PCDHA4: variants seen among roughly 807,000 people sequenced by gnomAD.
PCDHA4 encodes protocadherin alpha 4, also known as protocadherin alpha-4.
In PCDHA4, 49 loss-of-function variants were observed where a neutral mutation model predicts 61.4. The observed-to-expected ratio is 0.80, with a 90% CI of 0.63 to 1.01. PCDHA4 has a LOEUF of 1.01. PCDHA4 is among the 50% of genes least tolerant of loss of function. The pLI, the probability that PCDHA4 is intolerant of heterozygous loss-of-function variation, is 0.00. For missense variants in PCDHA4, 1,254 were observed against 1,235.8 expected (o/e 1.01, Z -0.22); for synonymous variants, 590 against 550.3 (o/e 1.07, Z -1.01).
intron 1 of PCDHA4, among the ~76,000 whole-genome samples, chr5:140,881,799 C>A (rs368456285): frequency 3.3e-5 from 5 of 152,282 alleles, no homozygotes; most frequent in Admixed American, 2.0e-4. Flanking sequence ...TGTCCCAAAA[C>A]GAGTGTCGAA....
At chr5:140,837,464 C>T (rs1295340702) in intron 1 of PCDHA4, among the ~76,000 whole-genome samples, 1 of 151,746 alleles carries the variant, frequency 6.6e-6, no homozygotes, top group African/African-American at 2.4e-5. Flanking sequence ...CTCCTTGCCT[C>T]CTCAAACCCC....
At position 140,884,772 on chromosome 5, in the gene PCDHA4, T is replaced by G. The variant is rs563372954; in HGVS notation, c.2385+75200T>G. 1.9e-5 allele frequency: 27 copies of G among 1,409,818 alleles called. No homozygotes were observed. In the African/African-American group the frequency reaches 3.6e-4, roughly 19 times the overall value. The allele number at this position is 1,409,818 out of a possible 1,614,324, so 87.3% of individuals were successfully genotyped here. On this transcript the variant is annotated intron_variant, in intron 1 of 3. Transcript: ENST00000530339. Reference sequence around the variant, plus strand: ...TTCAAATTATTCTTTACTTTAATTTTAATTTTGCTAGTTGTTATCGAATTT... The same window carrying G: ...TTCAAATTATTCTTTACTTTAATTTGAATTTTGCTAGTTGTTATCGAATTT...
chr5:140,947,315 C>T (rs116397497), intron 1 of PCDHA4, among the ~76,000 whole-genome samples: 3,556 of 151,556 alleles, frequency 0.023, 49 homozygotes, highest in Middle Eastern at 0.034. Flanking sequence ...TGTAAAAAGT[C>T]GGTTGACCAT....
intron 1 of PCDHA4, chr5:140,835,904 C>T: frequency 1.2e-6 from 2 of 1,612,178 alleles, no homozygotes; most frequent in South Asian, 1.1e-5. Flanking sequence ...TGTCGAGCTA[C>T]GTGTCAGTGC....
chr5:140,862,826 G>A lies in PCDHA4; in HGVS notation c.2385+53254G>A, dbSNP rs112986835. ...CTGCTGCAGTTCTAGGTGAGAGCGCGCGACGCGGGCATGCCGCCTCTGAGC... is the reference window on the plus strand; with the variant it reads ...CTGCTGCAGTTCTAGGTGAGAGCGCACGACGCGGGCATGCCGCCTCTGAGC... On this transcript the variant is annotated intron_variant, in intron 1 of 3. Coordinates refer to ENST00000530339, the MANE Select transcript of PCDHA4 (RefSeq NM_018907.4). The A allele has an allele frequency of 1.9e-3, 1,106 of 575,060 alleles. 11 individuals carry two copies. Among genetic ancestry groups the A allele is most frequent in the African/African-American group, 0.019 (990 of 53,212 alleles). The allele number at this position is 575,060 out of a possible 1,614,324, so 35.6% of individuals were successfully genotyped here.
intron 1 of PCDHA4, 38 bp downstream of exon 1, chr5:140,809,610 G>A (rs1183519714): frequency 1.3e-6 from 2 of 1,519,732 alleles, no homozygotes; most frequent in African/African-American, 1.4e-5. Context: ...TTTTCGTATT[G>A]TTTTTCTCTA....
At chr5:140,854,853 C>T (rs1441066752) in intron 1 of PCDHA4, among the ~76,000 whole-genome samples, 1 of 149,620 alleles carries the variant, frequency 6.7e-6, no homozygotes, top group East Asian at 1.9e-4. Flanking sequence ...GATAAAATTA[C>T]TAGATATATT....
chr5:140,878,627 T>C (rs2057676475), intron 1 of PCDHA4, among the ~76,000 whole-genome samples: 1 of 152,236 alleles, frequency 6.6e-6, no homozygotes, highest in Non-Finnish European at 1.5e-5. Flanking sequence ...TTACATATTT[T>C]AACTTTCTAT....
At position 140,810,391 on chromosome 5, in the gene PCDHA4, T is replaced by C. The variant is rs1764650551; in HGVS notation, c.2385+819T>C. 4 of 152,200 alleles carry C rather than the reference T, an allele frequency of 2.6e-5. No homozygotes were observed. The South Asian group carries it at 8.3e-4, about 31-fold the overall frequency. 9.4% of individuals were successfully genotyped at this position (152,200 alleles called of 1,614,324 possible). On this transcript the variant is annotated intron_variant, in intron 1 of 3. Transcript: ENST00000530339. ...GTCACAGAATATGTGTGTATCTTTG[T>C]CTTTTGTAGCTAACACCAACCAATT...
At chr5:140,939,104 T>G (rs2092317491) in intron 1 of PCDHA4, among the ~76,000 whole-genome samples, 1 of 152,160 alleles carries the variant, frequency 6.6e-6, no homozygotes, top group South Asian at 2.1e-4. Context: ...CAATAGAAAT[T>G]TATTTTTCAC....
chr5:140,930,358 T>A (rs1253370170), intron 1 of PCDHA4: 1 of 152,216 alleles, frequency 6.6e-6, no homozygotes, highest in African/African-American at 2.4e-5. Context: ...AATATTTCAA[T>A]TTATCTGTTA....
Position 140,892,963 on chromosome 5 carries a change from A to C in PCDHA4, c.2385+83391A>C, listed in dbSNP as rs138089244. Among the ~76,000 whole-genome samples, 29 of 152,284 alleles carry C rather than the reference A, an allele frequency of 1.9e-4. No individual in the cohort carries two copies. In the East Asian group the frequency reaches 5.6e-3, roughly 29 times the overall value. ...ACAATACTACTTCCATGAGCTCAAT[A>C]AAATTTTGTAGCTGCCGTATAAGTG... On this transcript the variant is annotated intron_variant, in intron 1 of 3. Transcript: ENST00000530339.
chr5:140,947,882 T>C (rs1554218353), intron 1 of PCDHA4, among the ~76,000 whole-genome samples: 1 of 151,580 alleles, frequency 6.6e-6, no homozygotes, highest in Non-Finnish European at 1.5e-5. Context: ...TCCAGGACAA[T>C]ATAAACAGAA....
intron 1 of PCDHA4, chr5:140,861,521 G>A: frequency 2.2e-6 from 1 of 460,574 alleles, no homozygotes; most frequent in Admixed American, 2.2e-5. Flanking sequence ...TGTGTGGGAG[G>A]ATCTCGGAGT....
intron 1 of PCDHA4, chr5:140,966,989 G>A: frequency 5.0e-6 from 8 of 1,604,148 alleles, no homozygotes; most frequent in Non-Finnish European, 6.8e-6. Context: ...CTTGGGGCCG[G>A]GTTGCTTGCG....
At chr5:140,964,062 C>T (rs1257577051) in intron 1 of PCDHA4, among the ~76,000 whole-genome samples, 1 of 152,124 alleles carries the variant, frequency 6.6e-6, no homozygotes, top group Middle Eastern at 3.2e-3. Flanking sequence ...GTGGTCAAGG[C>T]ATTAGTGTTA....
At position 140,809,056 on chromosome 5, in the gene PCDHA4, C is replaced by T. The variant is rs782158159; in HGVS notation, c.1869C>T (p.Arg623=). 5.0e-6 allele frequency: 8 copies of T among 1,613,880 alleles called. No homozygotes were observed. The highest frequency in any genetic ancestry group is 3.3e-5 in the Admixed American group (2 of 60,018). The change falls in exon 1 of 4, where the codon CGC becomes CGT. Residue 623 remains arginine, a synonymous_variant. Transcript: ENST00000530339. ...PGTGGARIPF[R]VGLYTGEIST... ...CTGGTGGCGCGCGCATCCCGTTCCGCGTGGGGCTGTACACTGGCGAGATCA... is the reference window on the plus strand; with the variant it reads ...CTGGTGGCGCGCGCATCCCGTTCCGTGTGGGGCTGTACACTGGCGAGATCA...
intron 1 of PCDHA4, chr5:140,835,470 GCC>G: frequency 6.2e-7 from 1 of 1,613,868 alleles, no homozygotes; most frequent in Non-Finnish European, 8.5e-7. Flanking sequence ...TCCAGAGGAC[GCC>G]CAACCAGGTA....
At chr5:140,820,047 T>C (rs1170204744) in intron 1 of PCDHA4, among the ~76,000 whole-genome samples, 1 of 152,048 alleles carries the variant, frequency 6.6e-6, no homozygotes, top group Non-Finnish European at 1.5e-5. Context: ...TTTACTGTTA[T>C]ATAATAGAAA....
Sources: allele counts gnomAD v4.1 joint callset (sites outside exome capture counted in the v4.1 genomes callset), GRCh38; gene constraint gnomAD v4.1.1; transcripts MANE v1.5; gene names NCBI Gene and HGNC (gene_info 2026-07-23, HGNC 2026-07-21).